Variants in ITIH2 observed in about 807,000 individuals in gnomAD.
ITIH2 encodes the protein inter-alpha-trypsin inhibitor heavy chain H2.
ITIH2 carries 103 observed loss-of-function variants against 104.4 expected under a neutral mutation model. The observed-to-expected ratio is 0.99, with a 90% CI of 0.84 to 1.16. The LOEUF is 1.16. Ranked by LOEUF, ITIH2 falls within the 50% of genes most tolerant of loss-of-function variation. ITIH2 has a pLI of 0.00. For missense variants in ITIH2, 1,108 were observed against 1,162.4 expected (o/e 0.95, Z 0.68); for synonymous variants, 436 against 435.4 (o/e 1.00, Z -0.02).
At chr10:7,715,420 A>C (rs1834838271) in intron 5 of ITIH2, among the ~76,000 whole-genome samples, 1 of 133,456 alleles carries the variant, frequency 7.5e-6, no homozygotes, top group Non-Finnish European at 1.5e-5. Flanking sequence ...ATTCCTTCTC[A>C]AAAAAAAAAA....
intron 5 of ITIH2, 80 bp downstream of exon 5, chr10:7,713,365 C>A: frequency 8.7e-7 from 1 of 1,147,832 alleles, no homozygotes; most frequent in Non-Finnish European, 1.3e-6. Context: ...AGCAGCAAAG[C>A]AGCCTCTGGA....
intron 9 of ITIH2, among the ~76,000 whole-genome samples, chr10:7,725,394 CAGAG>C (rs1378266073): frequency 6.6e-6 from 1 of 152,102 alleles, no homozygotes; most frequent in African/African-American, 2.4e-5. Flanking sequence ...GTGCAAAGAA[CAGAG>C]AGAGATGCCA....
chr10:7,719,760 C>CAAAAAAAAAAAAAAAAAAAAAAA (rs71385664), intron 6 of ITIH2, among the ~76,000 whole-genome samples: 11 of 41,710 alleles, frequency 2.6e-4, no homozygotes, highest in East Asian at 7.7e-4. Context: ...GACCCTGTCT[C>CAAAAAAAAAAAAAAAAAAAAAAA]AAAAAAAAAA....
At position 7,717,790 on chromosome 10, in the gene ITIH2, T is replaced by C. The variant is rs766294585; in HGVS notation, c.630+2T>C. The C allele has an allele frequency of 2.5e-6, 4 of 1,606,730 alleles. No homozygotes were observed. The highest frequency in any genetic ancestry group is 2.7e-5 in the African/African-American group (2 of 74,756). On this transcript the variant is annotated splice_donor_variant, in intron 6 of 20. Transcript: ENST00000358415. LOFTEE classifies it high-confidence loss of function. ...GGACGGCTGGCCAAACACTTAGAGG[T>C]AAGCCTGGATCTGTAGGGTGGGCAG...
intron 15 of ITIH2, among the ~76,000 whole-genome samples, chr10:7,737,701 TA>T (rs1835076543): frequency 4.6e-5 from 3 of 65,680 alleles, no homozygotes; most frequent in African/African-American, 2.3e-4. Flanking sequence ...TTCTATATAA[TA>T]TTCTATATTA....
intron 5 of ITIH2, among the ~76,000 whole-genome samples, chr10:7,714,211 G>C (rs1047048107): frequency 2.5e-5 from 3 of 120,956 alleles, no homozygotes; most frequent in African/African-American, 1.0e-4. Context: ...TCGCTCTGTC[G>C]CCCAGGCTGG....
intron 3 of ITIH2, among the ~76,000 whole-genome samples, chr10:7,707,924 A>G (rs2131152169): frequency 6.6e-6 from 1 of 152,334 alleles, no homozygotes; most frequent in South Asian, 2.1e-4. Flanking sequence ...TGCCCGTGGA[A>G]AGGAACTTTT....
chr10:7,707,143 C>A (rs1834754637), intron 2 of ITIH2, 58 bp from the exon 3 acceptor site: 18 of 1,263,258 alleles, frequency 1.4e-5, no homozygotes, highest in Non-Finnish European at 2.0e-5. Context: ...ACGGTTTTGG[C>A]TCTCAAGGTA....
Position 7,731,965 on chromosome 10 carries a change from A to G in ITIH2, c.1616A>G (p.Asp539Gly), listed in dbSNP as rs913774391. The G allele has an allele frequency of 6.8e-6, 11 of 1,613,878 alleles. No homozygotes were observed. Among genetic ancestry groups the G allele is most frequent in the Non-Finnish European group, 9.3e-6 (11 of 1,179,902 alleles). ...VAGKFDPAKL[D>G]QIESVITATS... is the part of the protein sequence containing the mutation. ...GGAAAATTTGACCCTGCTAAATTGGATCAAATAGAGAGCGTTATCACGGCG... is the reference window on the plus strand; with the variant it reads ...GGAAAATTTGACCCTGCTAAATTGGGTCAAATAGAGAGCGTTATCACGGCG... The change falls in exon 13 of 21, where the codon GAT becomes GGT. Residue 539 changes from aspartate (D) to glycine (G), a missense_variant. By Grantham distance (94) the Asp-to-Gly change is moderately conservative. Coordinates refer to ENST00000358415, the MANE Select transcript of ITIH2 (RefSeq NM_002216.3).
chr10:7,722,069 C>G (rs540416080), intron 8 of ITIH2, among the ~76,000 whole-genome samples: 1 of 152,050 alleles, frequency 6.6e-6, no homozygotes, highest in African/African-American at 2.4e-5. Flanking sequence ...GCTCCCAAGG[C>G]CCTTTGCAAT....
At position 7,703,464 on chromosome 10, in the gene ITIH2, C is replaced by CTTCT; in HGVS notation, c.39_42dup (p.Glu15PhefsTer2). The CTTCT allele has an allele frequency of 6.2e-7, 1 of 1,614,006 alleles. No individual in the cohort carries two copies. The highest frequency in any genetic ancestry group is 8.5e-7 in the Non-Finnish European group (1 of 1,179,862). On this transcript the variant is annotated frameshift_variant, in exon 1 of 21. Transcript: ENST00000358415. LOFTEE classifies it high-confidence loss of function. ...AAAGACTCACGTGCTTTTTCATCTGCTTCTTTCTTTCTGAAGTATCAGGCT... is the reference window on the plus strand; with the variant it reads ...AAAGACTCACGTGCTTTTTCATCTGCTTCTTTCTTTCTTTCTGAAGTATCAGGCT...
At chr10:7,741,417 AT>A (rs1395338923) in intron 16 of ITIH2, among the ~76,000 whole-genome samples, 4 of 151,938 alleles carry the variant, frequency 2.6e-5, no homozygotes, top group Admixed American at 2.6e-4. Context: ...TGACCTCGTG[AT>A]CCACCCGCCT....
intron 14 of ITIH2, among the ~76,000 whole-genome samples, chr10:7,733,578 A>T (rs888980811): frequency 2.6e-5 from 4 of 151,762 alleles, no homozygotes; most frequent in Non-Finnish European, 5.9e-5. Context: ...GAATTTAATG[A>T]TTATGTGATT....
chr10:7,717,521 G>A, intron 5 of ITIH2, 105 bp from the exon 6 acceptor site: 1 of 991,720 alleles, frequency 1.0e-6, no homozygotes. Flanking sequence ...GAACTACTGA[G>A]CAGAACGGAC....
At chr10:7,729,772 C>T in intron 11 of ITIH2, 180 bp from the exon 12 acceptor site, 1 of 489,666 alleles carries the variant, frequency 2.0e-6, no homozygotes, top group Non-Finnish European at 3.6e-6. Context: ...ACACAACCCA[C>T]ACTTCATTTC....
chr10:7,727,566 A>G, intron 10 of ITIH2, 137 bp from the exon 11 acceptor site: 2 of 1,031,758 alleles, frequency 1.9e-6, no homozygotes, highest in Non-Finnish European at 2.9e-6. Flanking sequence ...TGTGTCACTC[A>G]GAAAGCAATG....
chr10:7,739,938 C>A (rs1396254384), intron 16 of ITIH2, among the ~76,000 whole-genome samples: 1 of 152,102 alleles, frequency 6.6e-6, no homozygotes, highest in East Asian at 1.9e-4. Flanking sequence ...GTAATCCCAG[C>A]ACTTTGGGAG....
At chr10:7,737,450 A>T (rs1835067157) in intron 15 of ITIH2, among the ~76,000 whole-genome samples, 1 of 140,268 alleles carries the variant, frequency 7.1e-6, no homozygotes, top group African/African-American at 2.7e-5. Context: ...TATATATAAC[A>T]GATAACGTAT....
intron 20 of ITIH2, among the ~76,000 whole-genome samples, chr10:7,747,515 A>C (rs899392681): frequency 1.3e-5 from 2 of 152,208 alleles, no homozygotes; most frequent in African/African-American, 4.8e-5. Context: ...TACCGACGGG[A>C]ATCAGTGAGC....
Sources: allele counts gnomAD v4.1 joint callset (sites outside exome capture counted in the v4.1 genomes callset), GRCh38; gene constraint gnomAD v4.1.1; transcripts MANE v1.5; gene names NCBI Gene and HGNC (gene_info 2026-07-23, HGNC 2026-07-21).